The following PCDHA7 variants were observed in gnomAD, a reference collection of about 807,000 sequenced individuals.
PCDHA7 encodes protocadherin alpha-7.
Under a neutral mutation model 57.2 loss-of-function variants are expected in PCDHA7, and 37 were observed. The ratio of observed to expected loss-of-function variants is 0.65; its 90% confidence interval spans 0.50 to 0.85. The LOEUF is 0.85. Among genes scored for constraint, PCDHA7 ranks in the 40% least tolerant of loss-of-function variants. The pLI, the probability that PCDHA7 is intolerant of heterozygous loss-of-function variation, is 0.00. For missense variants in PCDHA7, 1,188 were observed against 1,241.8 expected (o/e 0.96, Z 0.65); for synonymous variants, 553 against 558.8 (o/e 0.99, Z 0.15).
intron 3 of PCDHA7, among the ~76,000 whole-genome samples, chr5:141,002,223 T>C (rs2098066619): frequency 6.6e-6 from 1 of 151,974 alleles, no homozygotes. Flanking sequence ...AAATGATGGG[T>C]TTTCTGGAAG....
Position 140,853,615 on chromosome 5 carries a change from A to G in PCDHA7, c.2355+16877A>G, listed in dbSNP as rs1265889147. 5 of 988,116 alleles carry G rather than the reference A, an allele frequency of 5.1e-6. 1 individual carries two copies. Among genetic ancestry groups the G allele is most frequent in the Non-Finnish European group, 6.1e-6 (5 of 820,262 alleles). 61.2% of individuals were successfully genotyped at this position (988,116 alleles called of 1,614,324 possible). ...TTTGAGAGCAAAGGGGGTGCTGTAA[A>G]TAAGTATACAAGATCACAGACCTAA... On this transcript the variant is annotated intron_variant, in intron 1 of 3. Coordinates refer to ENST00000525929, the MANE Select transcript of PCDHA7 (RefSeq NM_018910.3).
At chr5:140,931,260 T>G (rs576177407) in intron 1 of PCDHA7, among the ~76,000 whole-genome samples, 1 of 152,156 alleles carries the variant, frequency 6.6e-6, no homozygotes, top group South Asian at 2.1e-4. Context: ...GAAATTTCAC[T>G]ATTTATTTCT....
At chr5:140,878,002 C>T in intron 1 of PCDHA7, 1 of 1,005,678 alleles carries the variant, frequency 9.9e-7, no homozygotes. Flanking sequence ...ATGTATTTGT[C>T]TAACATTAAT....
intron 1 of PCDHA7, among the ~76,000 whole-genome samples, chr5:140,971,297 T>C (rs1246980755): frequency 4.6e-5 from 7 of 152,222 alleles, no homozygotes; most frequent in Non-Finnish European, 1.0e-4. Context: ...TGTACTTTGG[T>C]ACACAAACAT....
At chr5:140,864,648 G>A (rs2048555529) in intron 1 of PCDHA7, 1 of 152,150 alleles carries the variant, frequency 6.6e-6, no homozygotes, top group Non-Finnish European at 1.5e-5. Context: ...AACAATGTCA[G>A]CTCTACTTAA....
chr5:140,883,557 G>T, intron 1 of PCDHA7: 1 of 1,614,214 alleles, frequency 6.2e-7, no homozygotes, highest in South Asian at 1.1e-5. Flanking sequence ...GCGCGGGACG[G>T]GGGCTCGCCT....
intron 1 of PCDHA7, chr5:140,870,744 C>G: frequency 3.7e-6 from 6 of 1,613,474 alleles, no homozygotes; most frequent in Non-Finnish European, 5.1e-6. Flanking sequence ...TGAGCAGCAA[C>G]GTGACGCTGC....
intron 1 of PCDHA7, chr5:140,869,070 A>G (rs1554162449): frequency 6.4e-7 from 1 of 1,572,828 alleles, no homozygotes; most frequent in Non-Finnish European, 8.6e-7. Flanking sequence ...TGTAAGTGTA[A>G]AGAAGCTTAT....
rs781865422 is a variant in PCDHA7, at chr5:140,871,237, C to T, written c.2355+34499C>T. 26 of 1,613,866 alleles carry T rather than the reference C, an allele frequency of 1.6e-5. 1 individual carries two copies. In the South Asian group the frequency reaches 2.3e-4, roughly 14 times the overall value. The stretch of plus-strand genomic sequence containing the variant: ...CTGCGTGGTGTCCAGCCTCCTGGTA[C>T]TCACGCTGCTGCTGTATACGGCGCT... On this transcript the variant is annotated intron_variant, in intron 1 of 3. Coordinates refer to ENST00000525929, the MANE Select transcript of PCDHA7 (RefSeq NM_018910.3).
chr5:140,855,887 C>A, intron 1 of PCDHA7: 1 of 985,610 alleles, frequency 1.0e-6, no homozygotes, highest in Non-Finnish European at 1.5e-6. Flanking sequence ...CTTTTTAGAA[C>A]AAAGGCATCA....
chr5:140,988,516 G>A (rs1226381986), intron 3 of PCDHA7, among the ~76,000 whole-genome samples: 1 of 152,156 alleles, frequency 6.6e-6, no homozygotes, highest in African/African-American at 2.4e-5. Flanking sequence ...GCTTACTTAA[G>A]TCTCTGCTGG....
intron 1 of PCDHA7, among the ~76,000 whole-genome samples, chr5:140,921,914 TA>T (rs2080487852): frequency 6.6e-6 from 1 of 152,014 alleles, no homozygotes; most frequent in Admixed American, 6.6e-5. Context: ...TATTACATGA[TA>T]AAACTTATAG....
chr5:140,840,690 A>G (rs2150308704), intron 1 of PCDHA7, among the ~76,000 whole-genome samples: 1 of 152,210 alleles, frequency 6.6e-6, no homozygotes, highest in South Asian at 2.1e-4. Context: ...AGTAAATAAA[A>G]CGGTTCAGGC....
chr5:140,877,096 G>C (rs1554169320), intron 1 of PCDHA7: 1 of 1,613,378 alleles, frequency 6.2e-7, no homozygotes, highest in Non-Finnish European at 8.5e-7. Flanking sequence ...CGACGCCGGC[G>C]TGCCGCCTCT....
At chr5:140,931,323 T>A (rs912582961) in intron 1 of PCDHA7, among the ~76,000 whole-genome samples, 1 of 152,110 alleles carries the variant, frequency 6.6e-6, no homozygotes, top group Non-Finnish European at 1.5e-5. Context: ...CAGTAATGGC[T>A]GTAAAGTTTG....
At position 140,926,615 on chromosome 5, in the gene PCDHA7, C is replaced by G. The variant is rs540135252; in HGVS notation, c.2356-52334C>G. On this transcript the variant is annotated intron_variant, in intron 1 of 3. Coordinates refer to ENST00000525929, the MANE Select transcript of PCDHA7 (RefSeq NM_018910.3). ...GGCGGGCGGCCTCGTCTCTGCACCC[C>G]TAGGCGGCGCTGCGCTCCTCAACAC... 1,855 of 379,286 alleles carry G rather than the reference C, an allele frequency of 4.9e-3. 8 individuals are homozygous for G. Among genetic ancestry groups the G allele is most frequent in the African/African-American group, 0.019 (896 of 47,466 alleles). The allele number at this position is 379,286 out of a possible 1,614,324, so 23.5% of individuals were successfully genotyped here. A position where few individuals can be genotyped will look rare whatever the true frequency, so the allele number is the denominator to read the frequency against.
At chr5:140,987,452 A>C (rs1430622755) in intron 3 of PCDHA7, among the ~76,000 whole-genome samples, 2 of 152,076 alleles carry the variant, frequency 1.3e-5, no homozygotes, top group Non-Finnish European at 2.9e-5. Context: ...CCCGAGAGAT[A>C]ATTGTTAAGA....
chr5:140,877,458 G>T lies in PCDHA7; in HGVS notation c.2355+40720G>T, dbSNP rs200155876. 8.2e-5 allele frequency: 133 copies of T among 1,613,696 alleles called. 1 individual carries two copies. The highest frequency in any genetic ancestry group is 2.5e-5 in the Non-Finnish European group (30 of 1,179,864). ...ACGGTGAGCCCGCGCTGACGTCCAC[G>T]GCCACGGTGCTGGTGTCGCTGGTGG... On this transcript the variant is annotated intron_variant, in intron 1 of 3. Transcript: ENST00000525929.
chr5:140,896,536 CTT>C (rs34213614), intron 1 of PCDHA7, among the ~76,000 whole-genome samples: 1 of 145,640 alleles, frequency 6.9e-6, no homozygotes. Flanking sequence ...AGCTATTTTT[CTT>C]TTTTTTTTTT....
Sources: gnomAD v4.1 joint callset for allele counts (sites outside exome capture counted in the v4.1 genomes callset) on GRCh38, gnomAD v4.1.1 for gene constraint, MANE v1.5 for transcripts, NCBI Gene and HGNC (gene_info 2026-07-23, HGNC 2026-07-21) for gene names.